Variants in PHLDB1 observed in about 807,000 individuals in gnomAD.
The protein encoded by PHLDB1 is pleckstrin homology like domain family B member 1.
A neutral mutation model predicts 139.3 loss-of-function variants in PHLDB1; 65 were observed. The ratio of observed to expected loss-of-function variants is 0.47; its 90% CI spans 0.38 to 0.57. The LOEUF (loss-of-function observed/expected upper bound fraction) is 0.57. PHLDB1 is among the 20% of genes least tolerant of loss of function. PHLDB1 has a pLI of 0.00. For missense variants in PHLDB1, 1,624 were observed against 1,839.7 expected (o/e 0.88, Z 2.14); for synonymous variants, 679 against 734.5 (o/e 0.92, Z 1.22).
chr11:118,650,867 C>CTA lies in PHLDB1; in HGVS notation c.3874+320_3874+321insTA. ...TCAGGGAAGCAGACAAGAGTGATAACCACGCACAATGGGTATGCTGATAGG... is the reference window on the plus strand; with the variant it reads ...TCAGGGAAGCAGACAAGAGTGATAACTACACGCACAATGGGTATGCTGATAGG... On this transcript the variant is annotated intron_variant, in intron 20 of 22. Transcript: ENST00000600882. This position sits in a 1 kb window ranked among gnomAD's most constrained non-coding sequence, Gnocchi z 4.7. The CTA allele has an allele frequency of 1.9e-5, 7 of 366,508 alleles. No individual in the cohort carries two copies. Among genetic ancestry groups the CTA allele is most frequent in the South Asian group, 5.9e-5 (2 of 33,962 alleles). 22.7% of individuals were successfully genotyped at this position (366,508 alleles called of 1,614,324 possible).
intron 2 of PHLDB1, among the ~76,000 whole-genome samples, chr11:118,614,329 G>C (rs897722136): frequency 2.8e-4 from 41 of 145,274 alleles, no homozygotes; most frequent in African/African-American, 1.1e-3. Flanking sequence ...AAAAGGCACA[G>C]TTAAGCCAAG....
intron 17 of PHLDB1, among the ~76,000 whole-genome samples, chr11:118,646,046 G>A (rs1555128143): frequency 6.6e-6 from 1 of 152,132 alleles, no homozygotes; most frequent in African/African-American, 2.4e-5. Flanking sequence ...GGATCACGAG[G>A]TCAGGAGATC....
In PHLDB1 at chr11:118,643,857, G is replaced by C; in HGVS notation, c.2935G>C (p.Gly979Arg). The change falls in exon 14 of 23, where the codon GGC becomes CGC. Residue 979 changes from glycine (G) to arginine (R), a missense_variant. Transcript: ENST00000600882. ...ATSPLPRTRSGPLPSSSGSSS... is the reference protein window; with the variant it reads ...ATSPLPRTRSRPLPSSSGSSS... Reference sequence around the variant, plus strand: ...CAGCCCCCTTCCCCGGACCCGCAGCGGCCCCCTCCCCTCCTCCTCTGGCTC... The same window carrying C: ...CAGCCCCCTTCCCCGGACCCGCAGCCGCCCCCTCCCCTCCTCCTCTGGCTC... The C allele has an allele frequency of 6.2e-7, 1 of 1,613,432 alleles. No individual in the cohort carries two copies. The highest frequency in any genetic ancestry group is 8.5e-7 in the Non-Finnish European group (1 of 1,179,596).
chr11:118,655,990 C>T, intron 22 of PHLDB1, 98 bp downstream of exon 22: 1 of 907,406 alleles, frequency 1.1e-6, no homozygotes, highest in Non-Finnish European at 1.8e-6. Flanking sequence ...TCCCTTCCCC[C>T]AGGCCCAAGG....
intron 1 of PHLDB1, among the ~76,000 whole-genome samples, chr11:118,609,647 G>A (rs1307199018): frequency 1.3e-5 from 2 of 152,204 alleles, no homozygotes; most frequent in African/African-American, 4.8e-5. Context: ...GGTGTCTGTG[G>A]GGGCCGCCCC....
chr11:118,628,683 C>T lies in PHLDB1; in HGVS notation c.1827+33C>T, dbSNP rs781997372. 3.2e-6 allele frequency: 5 copies of T among 1,576,976 alleles called. No individual in the cohort carries two copies. In the Admixed American group the frequency reaches 5.6e-5, roughly 18 times the overall value. On this transcript the variant is annotated intron_variant, in intron 6 of 22. Coordinates refer to ENST00000600882, the MANE Select transcript of PHLDB1 (RefSeq NM_001144758.3). ...GGTGCCAGGGAGGCTTGCCACTGTCCATGGCAGAGTCTCTGCCAGGGCTCG... is the reference window on the plus strand; with the variant it reads ...GGTGCCAGGGAGGCTTGCCACTGTCTATGGCAGAGTCTCTGCCAGGGCTCG...
At position 118,627,895 on chromosome 11, in the gene PHLDB1, G is replaced by A. The variant is rs1555104473; in HGVS notation, c.1072G>A (p.Val358Met). 6 of 1,611,146 alleles carry A rather than the reference G, an allele frequency of 3.7e-6. No individual in the cohort carries two copies. The South Asian group carries it at 4.4e-5, about 12-fold the overall frequency. ...ESPRLGGQLP[V>M]VAISLSEYPA... ...CCCCCGGCTGGGTGGGCAGCTGCCT[G>A]TGGTGGCCATCAGCCTGAGTGAATA... The change falls in exon 6 of 23, where the codon GTG becomes ATG. Residue 358 changes from valine to methionine, a missense_variant. Val to Met is a conservative substitution (Grantham distance 21). Coordinates refer to ENST00000600882, the MANE Select transcript of PHLDB1 (RefSeq NM_001144758.3).
Position 118,635,422 on chromosome 11 carries a change from G to C in PHLDB1, c.2409G>C (p.Lys803Asn). ...KEAEALETET[K>N]LFEDLEFQQL... ...CAGAGGCCCTGGAGACTGAGACAAA[G>C]CTCTTTGAGGACTTGGAGTTCCAGC... Residue 803 changes from lysine (K) to asparagine (N), a missense_variant, in exon 10 of 23, where the codon AAG becomes AAC. Transcript: ENST00000600882. 3 of 1,608,524 alleles carry C rather than the reference G, an allele frequency of 1.9e-6. No individual in the cohort carries two copies. Among genetic ancestry groups the C allele is most frequent in the Non-Finnish European group, 2.5e-6 (3 of 1,177,916 alleles).
chr11:118,643,721 A>G, intron 13 of PHLDB1, 79 bp from the exon 14 acceptor site: 1 of 1,610,670 alleles, frequency 6.2e-7, no homozygotes, highest in South Asian at 1.1e-5. Context: ...GGTACGTCAG[A>G]TCACAGCAGA....
At position 118,631,987 on chromosome 11, in the gene PHLDB1, G is replaced by T. The variant is rs1230275966; in HGVS notation, c.2175G>T (p.Gly725=). 1.9e-6 allele frequency: 3 copies of T among 1,614,126 alleles called. No individual in the cohort carries two copies. The highest frequency in any genetic ancestry group is 2.5e-6 in the Non-Finnish European group (3 of 1,179,984). ...AAGAAGAGCGGGCTCAGGTGCTGGG[G>T]CACGTGGAGCAGCTCAAGGTCCGTG... is the stretch of plus-strand genomic sequence containing the variant. ...ALEEERAQVL[G]HVEQLKVRVK... The change falls in exon 8 of 23, where the codon GGG becomes GGT. Residue 725 remains glycine, a synonymous_variant. Transcript: ENST00000600882.
intron 13 of PHLDB1, chr11:118,643,417 G>A: frequency 9.6e-6 from 6 of 622,076 alleles, no homozygotes; most frequent in Non-Finnish European, 1.2e-5. Context: ...GGAAGCCAAG[G>A]CCCAGAGTAG....
In PHLDB1 at chr11:118,655,732, C is replaced by T. The variant is rs782317344; in HGVS notation, c.3960+42C>T. On this transcript the variant is annotated intron_variant, in intron 21 of 22. Coordinates refer to ENST00000600882, the MANE Select transcript of PHLDB1 (RefSeq NM_001144758.3). ...ACCAGAGGGGGGCCAGAGGGACAGC[C>T]ATGGGGAAGGGGTGGCCTGGTGGGG... is the stretch of plus-strand genomic sequence containing the variant. 1.9e-6 allele frequency: 3 copies of T among 1,542,508 alleles called. No homozygotes were observed. The South Asian group carries it at 3.3e-5, about 17-fold the overall frequency.
intron 13 of PHLDB1, among the ~76,000 whole-genome samples, chr11:118,643,022 GA>G (rs1315707481): frequency 1.3e-5 from 2 of 152,316 alleles, no homozygotes; most frequent in South Asian, 2.1e-4. Context: ...CAGTGCCTAA[GA>G]TTGACCATTT....
At chr11:118,625,819 C>G (rs1366692269) in intron 5 of PHLDB1, among the ~76,000 whole-genome samples, 1 of 152,202 alleles carries the variant, frequency 6.6e-6, no homozygotes, top group Non-Finnish European at 1.5e-5. Context: ...GGCATCCCCT[C>G]TGACTATATC....
intron 15 of PHLDB1, 21 bp downstream of exon 15, chr11:118,644,195 C>T (rs1315811901): frequency 6.5e-7 from 1 of 1,549,404 alleles, no homozygotes; most frequent in Non-Finnish European, 8.9e-7. Flanking sequence ...GCCCCGCCAG[C>T]CCACCTGCTC....
intron 17 of PHLDB1, chr11:118,647,112 C>T (rs550396112): frequency 6.6e-6 from 1 of 152,278 alleles, no homozygotes; most frequent in African/African-American, 2.4e-5. Flanking sequence ...CAGTTCTGAC[C>T]TTAGTCTCTA....
At chr11:118,635,116 C>T in intron 9 of PHLDB1, 1 of 561,054 alleles carries the variant, frequency 1.8e-6, no homozygotes, top group Non-Finnish European at 3.3e-6. Context: ...GAGAGGAGAG[C>T]GGTGGGACGG....
intron 9 of PHLDB1, chr11:118,634,850 G>A: frequency 3.4e-6 from 1 of 294,586 alleles, no homozygotes; most frequent in Non-Finnish European, 7.0e-6. Flanking sequence ...GCCGCTGCCG[G>A]GCCGGAGTTG....
intron 6 of PHLDB1, chr11:118,630,020 C>A (rs1944514211): frequency 7.8e-7 from 1 of 1,277,066 alleles, no homozygotes; most frequent in African/African-American, 1.6e-5. Flanking sequence ...TGCCGAGGCT[C>A]TGTTCCGGTT....
Sources: allele counts gnomAD v4.1 joint callset (sites outside exome capture counted in the v4.1 genomes callset), GRCh38; gene constraint gnomAD v4.1.1; non-coding constraint Gnocchi (gnomAD v3.1); transcripts MANE v1.5; gene names NCBI Gene and HGNC (gene_info 2026-07-23, HGNC 2026-07-21).